The following HEMK2 variants were observed in gnomAD, a reference collection of about 807,000 sequenced individuals.
The protein encoded by HEMK2 is methyltransferase HEMK2.
the HEMK2 span, among the ~76,000 whole-genome samples, chr21:28,828,283 A>C: frequency 6.6e-6 from 1 of 152,172 alleles, no homozygotes; most frequent in Non-Finnish European, 1.5e-5. Flanking sequence ...GAAGGGGTGG[A>C]GCAGTGGGAT....
the HEMK2 span, among the ~76,000 whole-genome samples, chr21:28,737,246 C>T: frequency 1.3e-5 from 2 of 152,070 alleles, no homozygotes; most frequent in Non-Finnish European, 2.9e-5. Flanking sequence ...GGCCTCGGCC[C>T]CCCAAGTAGC....
the HEMK2 span, among the ~76,000 whole-genome samples, chr21:28,714,839 T>C: frequency 6.6e-6 from 1 of 152,162 alleles, no homozygotes; most frequent in Non-Finnish European, 1.5e-5. Context: ...CTCACCTTTA[T>C]ATTCATGAGT....
chr21:28,867,393 A>G, the HEMK2 span, among the ~76,000 whole-genome samples: 1 of 152,250 alleles, frequency 6.6e-6, no homozygotes, highest in African/African-American at 2.4e-5. Context: ...CTATAAAAAA[A>G]TCCCAATGTG....
the HEMK2 span, among the ~76,000 whole-genome samples, chr21:28,819,189 G>T: frequency 1.3e-5 from 2 of 151,278 alleles, no homozygotes; most frequent in Non-Finnish European, 2.9e-5. Context: ...AACTAGATGG[G>T]TATTGTTGGA....
chr21:28,805,684 G>A, the HEMK2 span, among the ~76,000 whole-genome samples: 12,408 of 151,422 alleles, frequency 0.082, 1,167 homozygotes, highest in African/African-American at 0.22. Flanking sequence ...TTTTTTCTCC[G>A]AAACTAGTGT....
At chr21:28,655,827 T>C in the HEMK2 span, among the ~76,000 whole-genome samples, 1 of 152,076 alleles carries the variant, frequency 6.6e-6, no homozygotes, top group Non-Finnish European at 1.5e-5. Flanking sequence ...TAAAATTAAA[T>C]GTTATTTCCA....
At chr21:28,621,775 G>A in the HEMK2 span, among the ~76,000 whole-genome samples, 1 of 152,152 alleles carries the variant, frequency 6.6e-6, no homozygotes, top group African/African-American at 2.4e-5. Flanking sequence ...AATCACAATG[G>A]TGGAATGTCA....
At chr21:28,700,240 A>G in the HEMK2 span, among the ~76,000 whole-genome samples, 3 of 152,248 alleles carry the variant, frequency 2.0e-5, no homozygotes, top group East Asian at 5.8e-4. Flanking sequence ...TGTTCTCTCA[A>G]TAATACCTCT....
At chr21:28,731,828 G>A in the HEMK2 span, among the ~76,000 whole-genome samples, 1 of 97,304 alleles carries the variant, frequency 1.0e-5, no homozygotes, top group East Asian at 4.8e-4. Context: ...AGAGAAGTGA[G>A]CAGTCCCTGG....
At chr21:28,578,464 G>A in the HEMK2 span, among the ~76,000 whole-genome samples, 1 of 152,192 alleles carries the variant, frequency 6.6e-6, no homozygotes, top group Non-Finnish European at 1.5e-5. Flanking sequence ...GTACTTGTTA[G>A]TTGCATATAA....
chr21:28,830,250 G>A, the HEMK2 span, among the ~76,000 whole-genome samples: 3 of 152,138 alleles, frequency 2.0e-5, no homozygotes, highest in African/African-American at 4.8e-5. Flanking sequence ...GAGGGATCTG[G>A]TGGGAGGTAA....
chr21:28,579,110 G>A, the HEMK2 span, among the ~76,000 whole-genome samples: 1 of 152,154 alleles, frequency 6.6e-6, no homozygotes, highest in African/African-American at 2.4e-5. Context: ...GGTAGAAATC[G>A]AGTTGTAGAA....
At chr21:28,706,586 C>T in the HEMK2 span, among the ~76,000 whole-genome samples, 2 of 152,182 alleles carry the variant, frequency 1.3e-5, no homozygotes, top group South Asian at 2.1e-4. Flanking sequence ...CTCTTTAACT[C>T]ATCTTTTAAA....
chr21:28,806,223 A>C, the HEMK2 span, among the ~76,000 whole-genome samples: 1 of 152,218 alleles, frequency 6.6e-6, no homozygotes, highest in Non-Finnish European at 1.5e-5. Flanking sequence ...TTCTAAGGGA[A>C]ATGTTGTCAC....
the HEMK2 span, among the ~76,000 whole-genome samples, chr21:28,837,349 TCA>T: frequency 3.9e-5 from 6 of 152,162 alleles, no homozygotes; most frequent in Admixed American, 6.6e-5. Context: ...AAGCACTCTC[TCA>T]GACAACACTG....
the HEMK2 span, among the ~76,000 whole-genome samples, chr21:28,787,799 G>T: frequency 9.6e-4 from 146 of 152,272 alleles, no homozygotes; most frequent in African/African-American, 3.4e-3. Context: ...AAACAGTGTG[G>T]AGATTCCTTA....
the HEMK2 span, among the ~76,000 whole-genome samples, chr21:28,827,326 T>C: frequency 6.6e-6 from 1 of 152,226 alleles, no homozygotes; most frequent in African/African-American, 2.4e-5. Flanking sequence ...CTAACTGTCT[T>C]TGATACCACA....
At chr21:28,794,407 G>C in the HEMK2 span, among the ~76,000 whole-genome samples, 1 of 152,292 alleles carries the variant, frequency 6.6e-6, no homozygotes, top group South Asian at 2.1e-4. Flanking sequence ...CAAATTTCAT[G>C]TCCAGTTGGG....
chr21:28,579,413 A>G, the HEMK2 span, among the ~76,000 whole-genome samples: 2 of 152,182 alleles, frequency 1.3e-5, no homozygotes, highest in Non-Finnish European at 2.9e-5. Context: ...TCATTAAGGA[A>G]TTTAATAAGA....
Sources: allele counts gnomAD v4.1 joint callset (sites outside exome capture counted in the v4.1 genomes callset), GRCh38; gene constraint gnomAD v4.1.1; transcripts MANE v1.5; gene names NCBI Gene and HGNC (gene_info 2026-07-23, HGNC 2026-07-21).